Variants in SNCAIP observed in about 807,000 individuals in gnomAD.
SNCAIP encodes the protein synphilin-1.
SNCAIP carries 43 observed loss-of-function variants against 86.7 expected under a neutral mutation model. The observed-to-expected ratio is 0.50, with a 90% CI of 0.39 to 0.64. The LOEUF (loss-of-function observed/expected upper bound fraction) is 0.64, where lower values mean the gene tolerates loss of function less well. SNCAIP is among the 30% of genes least tolerant of loss of function. The pLI, the probability that SNCAIP is intolerant of heterozygous loss-of-function variation, is 0.00. For missense variants in SNCAIP, 981 were observed against 1,103.1 expected (o/e 0.89, Z 1.57); for synonymous variants, 417 against 427.2 (o/e 0.98, Z 0.29).
chr5:122,420,392 A>G (rs889784021), intron 3 of SNCAIP, among the ~76,000 whole-genome samples: 1 of 152,216 alleles, frequency 6.6e-6, no homozygotes, highest in African/African-American at 2.4e-5. Flanking sequence ...ACGACCTTAT[A>G]TAATACATAA....
intron 9 of SNCAIP, among the ~76,000 whole-genome samples, 179 bp downstream of exon 9, chr5:122,450,116 G>T (rs1353009268): frequency 2.0e-5 from 3 of 152,204 alleles, no homozygotes; most frequent in Non-Finnish European, 4.4e-5. Flanking sequence ...CTGAAGACCT[G>T]CTGTATTCTC....
rs987552692 is a variant in SNCAIP, at chr5:122,323,254, A to G, written c.-47+10970A>G. ...ACTTAGCCACTGATAATCATAATTT[A>G]GCAGTACTGTTGTGCACTAAAAATA... is the stretch of plus-strand genomic sequence containing the variant. On this transcript the variant is annotated intron_variant, in intron 1 of 10. Coordinates refer to ENST00000261368, the MANE Select transcript of SNCAIP (RefSeq NM_005460.4). The G allele has an allele frequency of 3.3e-5, 5 of 152,328 alleles. No individual in the cohort carries two copies. In the East Asian group the frequency reaches 9.6e-4, roughly 29 times the overall value. The allele number at this position is 152,328 out of a possible 1,614,324, so 9.4% of individuals were successfully genotyped here.
chr5:122,458,188 A>G (rs917782342), intron 10 of SNCAIP, among the ~76,000 whole-genome samples: 1 of 152,224 alleles, frequency 6.6e-6, no homozygotes, highest in Non-Finnish European at 1.5e-5. Context: ...GAGGCAGGAA[A>G]TGAATGTGTG....
At position 122,423,077 on chromosome 5, in the gene SNCAIP, G is replaced by A. The variant is rs1356571832; in HGVS notation, c.340G>A (p.Gly114Ser). ...EYQKGGESDL[G>S]PQPQELGPGD... ...CCAGAAAGGGGGTGAGTCTGACCTG[G>A]GCCCCCAGCCTCAGGAGCTTGGCCC... The change falls in exon 4 of 11, where the codon GGC becomes AGC. Residue 114 changes from glycine to serine, a missense_variant. Gly to Ser is a moderately conservative substitution (Grantham distance 56). Transcript: ENST00000261368. The A allele has an allele frequency of 1.9e-6, 3 of 1,614,082 alleles. No individual in the cohort carries two copies. The highest frequency in any genetic ancestry group is 1.7e-6 in the Non-Finnish European group (2 of 1,180,010).
intron 1 of SNCAIP, among the ~76,000 whole-genome samples, chr5:122,336,345 G>A (rs1428871537): frequency 1.3e-5 from 2 of 152,180 alleles, no homozygotes; most frequent in Non-Finnish European, 2.9e-5. Flanking sequence ...TAGAATCAGA[G>A]GGGCTAGGGG....
In SNCAIP at chr5:122,423,459, C is replaced by T; in HGVS notation, c.722C>T (p.Pro241Leu). The T allele has an allele frequency of 6.2e-7, 1 of 1,614,190 alleles. No individual in the cohort carries two copies. The highest frequency in any genetic ancestry group is 8.5e-7 in the Non-Finnish European group (1 of 1,180,024). Residue 241 changes from proline (P) to leucine (L), a missense_variant, in exon 4 of 11, where the codon CCT (proline) becomes CTT (leucine). By Grantham distance (98) the Pro-to-Leu change is moderately conservative. Coordinates refer to ENST00000261368, the MANE Select transcript of SNCAIP (RefSeq NM_005460.4). ...ACTGAAGAAACCGAGATCTCACCTC[C>T]TCTGGTTAAATGTGGCTCTGCATAT... is the stretch of plus-strand genomic sequence containing the variant. ...LSTEETEISPPLVKCGSAYEP... is the reference protein window; with the variant it reads ...LSTEETEISPLLVKCGSAYEP...
At chr5:122,322,408 T>C (rs1753130156) in intron 1 of SNCAIP, among the ~76,000 whole-genome samples, 1 of 152,236 alleles carries the variant, frequency 6.6e-6, no homozygotes, top group Non-Finnish European at 1.5e-5. Flanking sequence ...ATATGTTTGA[T>C]CTGTTAAGTC....
intron 5 of SNCAIP, among the ~76,000 whole-genome samples, chr5:122,431,008 GT>G (rs1363119328): frequency 2.6e-5 from 4 of 152,012 alleles, no homozygotes; most frequent in African/African-American, 9.7e-5. Flanking sequence ...TCAAATATGA[GT>G]TTACTGATTT....
chr5:122,409,828 A>T (rs1773757498), intron 3 of SNCAIP, among the ~76,000 whole-genome samples: 1 of 152,250 alleles, frequency 6.6e-6, no homozygotes, highest in South Asian at 2.1e-4. Context: ...GATGCTAAAT[A>T]TATAAACCTC....
At chr5:122,350,644 A>T (rs1035760044) in intron 1 of SNCAIP, among the ~76,000 whole-genome samples, 3 of 152,168 alleles carry the variant, frequency 2.0e-5, no homozygotes, top group African/African-American at 7.2e-5. Context: ...TTGATGCAAC[A>T]ATCATCTTAT....
chr5:122,357,037 T>C (rs1761147664), intron 1 of SNCAIP, among the ~76,000 whole-genome samples: 2 of 152,144 alleles, frequency 1.3e-5, no homozygotes, highest in African/African-American at 4.8e-5. Context: ...TATTTGTATC[T>C]CTGACTGCCT....
chr5:122,361,959 T>A (rs893951661), intron 1 of SNCAIP, among the ~76,000 whole-genome samples: 1 of 152,216 alleles, frequency 6.6e-6, no homozygotes, highest in East Asian at 1.9e-4. Context: ...TAGATTCAGT[T>A]TGGGGACAAG....
chr5:122,340,326 A>C (rs1291865785), intron 1 of SNCAIP, among the ~76,000 whole-genome samples: 1 of 152,190 alleles, frequency 6.6e-6, no homozygotes, highest in Non-Finnish European at 1.5e-5. Context: ...AAATAGTACT[A>C]TGTAGTACTG....
intron 4 of SNCAIP, among the ~76,000 whole-genome samples, chr5:122,424,781 A>T (rs531666250): frequency 6.6e-6 from 1 of 152,292 alleles, no homozygotes; most frequent in Admixed American, 6.5e-5. Context: ...TTCATAGTCA[A>T]GGGACAAAAA....
chr5:122,385,359 T>TC (rs966253572), intron 1 of SNCAIP, among the ~76,000 whole-genome samples: 5 of 152,234 alleles, frequency 3.3e-5, no homozygotes, highest in Admixed American at 3.3e-4. Flanking sequence ...TTCAGTTGCC[T>TC]CTTTCTAGTA....
chr5:122,332,433 A>G (rs954157319), intron 1 of SNCAIP, among the ~76,000 whole-genome samples: 1 of 152,238 alleles, frequency 6.6e-6, no homozygotes, highest in African/African-American at 2.4e-5. Flanking sequence ...CAGAGCATAT[A>G]CCTTGAAGCA....
chr5:122,328,040 G>A (rs1216092449), intron 1 of SNCAIP, among the ~76,000 whole-genome samples: 2 of 152,162 alleles, frequency 1.3e-5, no homozygotes, highest in African/African-American at 4.8e-5. Flanking sequence ...CAGAACTTGG[G>A]AAACTAGATA....
intron 1 of SNCAIP, among the ~76,000 whole-genome samples, chr5:122,357,095 C>T (rs1043535508): frequency 6.6e-6 from 1 of 152,186 alleles, no homozygotes; most frequent in Non-Finnish European, 1.5e-5. Context: ...TGTCTTGTTT[C>T]TCTGCTAAGG....
chr5:122,357,569 C>A (rs1427983631), intron 1 of SNCAIP, among the ~76,000 whole-genome samples: 1 of 151,854 alleles, frequency 6.6e-6, no homozygotes, highest in African/African-American at 2.4e-5. Context: ...TCCTGACCCA[C>A]CGTATTTAAA....
Sources: gnomAD v4.1 joint callset for allele counts (sites outside exome capture counted in the v4.1 genomes callset) on GRCh38, gnomAD v4.1.1 for gene constraint, MANE v1.5 for transcripts, NCBI Gene and HGNC (gene_info 2026-07-23, HGNC 2026-07-21) for gene names.